ADSS1: variants seen among roughly 807,000 people sequenced by gnomAD.
ADSS1 encodes adenylosuccinate synthetase isozyme 1.
Under a neutral mutation model 59.1 loss-of-function variants are expected in ADSS1, and 57 were observed. That is an observed-to-expected ratio of 0.97 (90% confidence interval 0.78 to 1.20). The LOEUF is 1.20. Ranked by LOEUF, ADSS1 falls within the 50% of genes most tolerant of loss-of-function variation. The pLI, the probability that ADSS1 is intolerant of heterozygous loss-of-function variation, is 0.00. For missense variants in ADSS1, 603 were observed against 610.3 expected (o/e 0.99, Z 0.13); for synonymous variants, 247 against 249.4 (o/e 0.99, Z 0.09).
At position 104,741,965 on chromosome 14, in the gene ADSS1, G is replaced by A. The variant is rs375602969; in HGVS notation, c.911G>A (p.Arg304His). The change falls in exon 9 of 13, where the codon CGT becomes CAT. Residue 304 changes from arginine (R) to histidine (H), a missense_variant. Coordinates refer to ENST00000330877, the MANE Select transcript of ADSS1 (RefSeq NM_152328.5). Reference sequence around the variant, plus strand: ...GGCGTGGTGAAAGCCTATACCACACGTGTGGGCATCGGGGCCTTCCCCACC... The same window carrying A: ...GGCGTGGTGAAAGCCTATACCACACATGTGGGCATCGGGGCCTTCCCCACC... Reference protein sequence around the residue: ...VYGVVKAYTTRVGIGAFPTEQ... With the variant: ...VYGVVKAYTTHVGIGAFPTEQ... 573 of 1,613,186 alleles carry A rather than the reference G, an allele frequency of 3.6e-4. 1 individual carries two copies. The highest frequency in any genetic ancestry group is 4.4e-4 in the Non-Finnish European group (517 of 1,179,994).
At chr14:104,734,234 G>A (rs1397210606) in intron 1 of ADSS1, among the ~76,000 whole-genome samples, 1 of 152,228 alleles carries the variant, frequency 6.6e-6, no homozygotes, top group Non-Finnish European at 1.5e-5. Context: ...CCCTGCAGGA[G>A]CAGAGGGTGG....
intron 10 of ADSS1, among the ~76,000 whole-genome samples, chr14:104,744,008 A>T (rs1387981859): frequency 1.3e-5 from 2 of 151,876 alleles, no homozygotes; most frequent in Non-Finnish European, 2.9e-5. Flanking sequence ...AGGGAGGAAA[A>T]ACAGAGCCCA....
At chr14:104,742,950 G>C (rs1891423857) in intron 9 of ADSS1, 117 bp from the exon 10 acceptor site, 3 of 1,473,452 alleles carry the variant, frequency 2.0e-6, no homozygotes, top group Non-Finnish European at 2.8e-6. Flanking sequence ...TGTCGGTGGA[G>C]GCGGGGCACC....
chr14:104,729,003 G>A (rs572006551), intron 1 of ADSS1, among the ~76,000 whole-genome samples: 5 of 152,358 alleles, frequency 3.3e-5, no homozygotes, highest in South Asian at 2.1e-4. Flanking sequence ...CATGCAGTCC[G>A]CTAACGCTGT....
Position 104,737,760 on chromosome 14 carries a change from T to C in ADSS1, c.296-616T>C, listed in dbSNP as rs1265001571. On this transcript the variant is annotated intron_variant, in intron 2 of 12. Transcript: ENST00000330877. ...ATTTCACTTTTCCAGGGACTTCATA[T>C]AAGCGGAATCATCCTGTTTGTGTCC... 2.0e-5 allele frequency: 3 copies of C among 152,278 alleles called. No homozygotes were observed. In the South Asian group the frequency reaches 6.2e-4, roughly 31 times the overall value. The allele number at this position is 152,278 out of a possible 1,614,324, so 9.4% of individuals were successfully genotyped here. A position where few individuals can be genotyped will look rare whatever the true frequency, so the allele number is the denominator to read the frequency against.
chr14:104,732,268 G>A (rs997871298), intron 1 of ADSS1, among the ~76,000 whole-genome samples: 1 of 152,172 alleles, frequency 6.6e-6, no homozygotes, highest in African/African-American at 2.4e-5. Flanking sequence ...CCTTTGTCCA[G>A]CCCTCCTTGG....
Position 104,724,430 on chromosome 14 carries a change from G to T in ADSS1, c.160G>T (p.Ala54Ser), listed in dbSNP as rs1010149993. ...EGKGKVVDLL[A>S]TDADIISRCQ... ...CAAAGGCAAGGTGGTGGACCTGCTG[G>T]CCACGGACGCCGACATCATCAGCCG... Residue 54 changes from alanine to serine, a missense_variant, in exon 1 of 13, where the codon GCC (alanine) becomes TCC (serine). Physicochemically the swap from Ala to Ser is moderately conservative, Grantham distance 99. Coordinates refer to ENST00000330877, the MANE Select transcript of ADSS1 (RefSeq NM_152328.5). The T allele has an allele frequency of 1.6e-6, 2 of 1,260,364 alleles. No individual in the cohort carries two copies. The highest frequency in any genetic ancestry group is 7.7e-5 in the Admixed American group (2 of 25,934). The allele number at this position is 1,260,364 out of a possible 1,614,324, so 78.1% of individuals were successfully genotyped here.
intron 12 of ADSS1, 114 bp from the exon 13 acceptor site, chr14:104,746,837 G>A (rs898813960): frequency 9.1e-7 from 1 of 1,103,672 alleles, no homozygotes; most frequent in African/African-American, 1.6e-5. Context: ...CATTTGGAGA[G>A]AAAATAGCCC....
intron 1 of ADSS1, among the ~76,000 whole-genome samples, chr14:104,732,150 G>A (rs1890954708): frequency 1.3e-5 from 2 of 152,194 alleles, no homozygotes; most frequent in Non-Finnish European, 2.9e-5. Context: ...CAGCCTCATG[G>A]TCAGCCTTGG....
Position 104,740,666 on chromosome 14 carries a change from G to C in ADSS1, c.542G>C (p.Arg181Pro), listed in dbSNP as rs755536909. 1 of 1,613,858 alleles carries C rather than the reference G, an allele frequency of 6.2e-7. No individual in the cohort carries two copies. Among genetic ancestry groups the C allele is most frequent in the Admixed American group, 1.7e-5 (1 of 60,002 alleles). The stretch of plus-strand genomic sequence containing the variant: ...TCCAAAGCTGCCCGGACAGGCCTCC[G>C]CATCTGCGACCTCCTGTCAGATTTT... ...YSSKAARTGLRICDLLSDFDE... is the reference protein window; with the variant it reads ...YSSKAARTGLPICDLLSDFDE... The change falls in exon 6 of 13, where the codon CGC (arginine) becomes CCC (proline). Residue 181 changes from arginine to proline, a missense_variant. Arg to Pro is a moderately radical substitution (Grantham distance 103). Coordinates refer to ENST00000330877, the MANE Select transcript of ADSS1 (RefSeq NM_152328.5). The surrounding 1 kb of genome is among the most constrained non-coding windows in gnomAD (Gnocchi z 4.8).
At position 104,729,486 on chromosome 14, in the gene ADSS1, GGA is replaced by G. The variant is rs1475933634; in HGVS notation, c.192+5026_192+5027del. On this transcript the variant is annotated intron_variant, in intron 1 of 12. Coordinates refer to ENST00000330877, the MANE Select transcript of ADSS1 (RefSeq NM_152328.5). ...GTGTCAGCAGCATGGCGTCGGCGTG[GGA>G]GGGAGGAGGTAGCGTCGGCGTGGGG... Among the ~76,000 whole-genome samples the G allele has an allele frequency of 6.8e-4, 103 of 150,502 alleles. 4 individuals carry two copies. The highest frequency in any genetic ancestry group is 2.4e-3 in the African/African-American group (98 of 40,524).
chr14:104,739,747 CAG>C lies in ADSS1; in HGVS notation c.410-2_410-1del. ...TGCTGCCCTCACCTGGCCCGCCCGA[CAG>C]TGTTTGATTTTCACCAGGCTGTCGA... On this transcript the variant is annotated splice_acceptor_variant, in intron 4 of 12. Coordinates refer to ENST00000330877, the MANE Select transcript of ADSS1 (RefSeq NM_152328.5). LOFTEE classifies it high-confidence loss of function. 1 of 1,613,892 alleles carries C rather than the reference CAG, an allele frequency of 6.2e-7. No homozygotes were observed. Among genetic ancestry groups the C allele is most frequent in the Non-Finnish European group, 8.5e-7 (1 of 1,179,994 alleles).
intron 10 of ADSS1, among the ~76,000 whole-genome samples, chr14:104,744,089 G>C (rs913488940): frequency 6.6e-6 from 1 of 152,030 alleles, no homozygotes; most frequent in African/African-American, 2.4e-5. Flanking sequence ...TGGGTGGGTG[G>C]GCAGGGACCA....
intron 1 of ADSS1, among the ~76,000 whole-genome samples, chr14:104,729,469 A>C (rs1890819409): frequency 6.8e-6 from 1 of 148,136 alleles, no homozygotes; most frequent in Admixed American, 6.7e-5. Flanking sequence ...ACGTGTCAGC[A>C]GCATGGCGTC....
intron 1 of ADSS1, among the ~76,000 whole-genome samples, chr14:104,731,011 C>T (rs1388335865): frequency 1.4e-5 from 2 of 144,980 alleles, no homozygotes; most frequent in African/African-American, 5.1e-5. Flanking sequence ...GTGTCCTGAC[C>T]CAAGCCTGCA....
At chr14:104,743,887 G>A (rs751175805) in intron 10 of ADSS1, among the ~76,000 whole-genome samples, 16 of 152,262 alleles carry the variant, frequency 1.1e-4, no homozygotes, top group Non-Finnish European at 1.2e-4. Flanking sequence ...GGTTCACGGC[G>A]CAGCCTCATC....
At chr14:104,730,151 G>A (rs931020217) in intron 1 of ADSS1, 1 of 1,543,954 alleles carries the variant, frequency 6.5e-7, no homozygotes, top group Non-Finnish European at 8.7e-7. Context: ...AAATGCAGGA[G>A]GCCACACCTG....
intron 2 of ADSS1, among the ~76,000 whole-genome samples, chr14:104,736,804 C>T (rs1290419899): frequency 6.6e-6 from 1 of 150,532 alleles, no homozygotes; most frequent in Admixed American, 6.6e-5. Context: ...CAGCCTCAAC[C>T]TACTGGGCCC....
rs1891283549 is a variant in ADSS1, at chr14:104,740,058, G to A, written c.476+242G>A. Among the ~76,000 whole-genome samples the A allele has an allele frequency of 6.6e-6, 1 of 152,134 alleles. No individual in the cohort carries two copies. The highest frequency in any genetic ancestry group is 1.5e-5 in the Non-Finnish European group (1 of 68,020). ...GCCACTGCCACGCGGCTCCCCCCAG[G>A]AGTGCATAAGCCCTACCGTCACCTG... On this transcript the variant is annotated intron_variant, in intron 5 of 12. Transcript: ENST00000330877. This position sits in a 1 kb window ranked among gnomAD's most constrained non-coding sequence, Gnocchi z 4.8.
Sources: allele counts gnomAD v4.1 joint callset (sites outside exome capture counted in the v4.1 genomes callset), GRCh38; gene constraint gnomAD v4.1.1; non-coding constraint Gnocchi (gnomAD v3.1); transcripts MANE v1.5; gene names NCBI Gene and HGNC (gene_info 2026-07-23, HGNC 2026-07-21).